TASOR: variants seen among roughly 807,000 people sequenced by gnomAD.
TASOR encodes transcription activation suppressor, also known as protein TASOR.
In TASOR, 53 loss-of-function variants were observed where a neutral mutation model predicts 178.6. The observed-to-expected ratio is 0.30, with a 90% CI of 0.24 to 0.37. TASOR has a LOEUF of 0.37. Ranked by LOEUF, TASOR falls within the 10% of genes least tolerant of loss-of-function variation. The pLI is 1.00. For synonymous variants in TASOR, 713 were observed against 696.2 expected, an observed-to-expected ratio of 1.02 and a Z score of -0.38; for missense variants, 1,815 against 1,971.4, an observed-to-expected ratio of 0.92 and a Z score of 1.50.
At chr3:56,632,283 C>T (rs536727510) in intron 18 of TASOR, among the ~76,000 whole-genome samples, 1 of 151,986 alleles carries the variant, frequency 6.6e-6, no homozygotes, top group African/African-American at 2.4e-5. Flanking sequence ...CCAGCCTGAT[C>T]AACATGGTGA....
At position 56,620,723 on chromosome 3, in the gene TASOR, T is replaced by A. The variant is rs1241305603; in HGVS notation, c.*2314A>T. The A allele has an allele frequency of 6.6e-6, 1 of 152,222 alleles. No homozygotes were observed. Among genetic ancestry groups the A allele is most frequent in the Non-Finnish European group, 1.5e-5 (1 of 68,060 alleles). The allele number at this position is 152,222 out of a possible 1,614,324, so 9.4% of individuals were successfully genotyped here. On this transcript the variant is annotated 3_prime_UTR_variant, in exon 24 of 24. Transcript: ENST00000683822. The stretch of plus-strand genomic sequence containing the variant: ...GACGAAGTGTTAGTTTACTTCTTGC[T>A]TAGTGGAGACAAAAATTGTGAGATA...
At chr3:56,673,197 G>A (rs2030907799) in intron 2 of TASOR, among the ~76,000 whole-genome samples, 1 of 152,150 alleles carries the variant, frequency 6.6e-6, no homozygotes, top group Non-Finnish European at 1.5e-5. Flanking sequence ...TTGCATATTA[G>A]TAACAATTTA....
intron 11 of TASOR, among the ~76,000 whole-genome samples, chr3:56,658,797 C>T (rs1400630991): frequency 6.6e-6 from 1 of 152,106 alleles, no homozygotes; most frequent in Non-Finnish European, 1.5e-5. Flanking sequence ...ATCCCAGCTA[C>T]TCGAGAAGCT....
At chr3:56,643,580 G>A (rs1268839831) in intron 14 of TASOR, among the ~76,000 whole-genome samples, 1 of 152,026 alleles carries the variant, frequency 6.6e-6, no homozygotes, top group Non-Finnish European at 1.5e-5. Context: ...GGCTAACACG[G>A]TGAAACCCCG....
chr3:56,681,444 C>T (rs2031774323), intron 1 of TASOR, among the ~76,000 whole-genome samples: 1 of 152,194 alleles, frequency 6.6e-6, no homozygotes, highest in Admixed American at 6.5e-5. Flanking sequence ...TCTTTGTCAA[C>T]ATGGTTTCTC....
At position 56,622,532 on chromosome 3, in the gene TASOR, A is replaced by G. The variant is rs1028941187; in HGVS notation, c.*505T>C. 2 of 152,678 alleles carry G rather than the reference A, an allele frequency of 1.3e-5. No individual in the cohort carries two copies. Among genetic ancestry groups the G allele is most frequent in the African/African-American group, 4.8e-5 (2 of 41,474 alleles). 9.5% of individuals were successfully genotyped at this position (152,678 alleles called of 1,614,324 possible). On this transcript the variant is annotated 3_prime_UTR_variant, in exon 24 of 24. Transcript: ENST00000683822. ...TAGAGATAAAAAATGTGTCCTATGT[A>G]CATAGTTTATTATCTAAATGAAACT...
chr3:56,647,173 G>C lies in TASOR; in HGVS notation c.1564C>G (p.Pro522Ala). Reference sequence around the variant, plus strand: ...AACTGAGCTATTTTTAATACATCTGGCATGCTCTCATGCCTCTCCTGTGGT... The same window carrying C: ...AACTGAGCTATTTTTAATACATCTGCCATGCTCTCATGCCTCTCCTGTGGT... ...AAPQERHESM[P>A]DVLKIAQFLQ... Residue 522 changes from proline to alanine, a missense_variant, in exon 14 of 24, where the codon CCA becomes GCA. This residue lies in a region of TASOR where 504 missense variants were observed against 645.3 expected (regional missense o/e 0.78). Coordinates refer to ENST00000683822, the MANE Select transcript of TASOR (RefSeq NM_001365635.2). 2 of 1,590,776 alleles carry C rather than the reference G, an allele frequency of 1.3e-6. No individual in the cohort carries two copies. The highest frequency in any genetic ancestry group is 1.7e-6 in the Non-Finnish European group (2 of 1,173,294).
At chr3:56,666,188 T>C in intron 7 of TASOR, 72 bp downstream of exon 7, 3 of 1,255,628 alleles carry the variant, frequency 2.4e-6, no homozygotes, top group Non-Finnish European at 3.1e-6. Context: ...AAAATGGTCC[T>C]CCTAACTCAG....
At chr3:56,653,262 CAAAAAAAA>C (rs1176419181) in intron 11 of TASOR, among the ~76,000 whole-genome samples, 3 of 4,962 alleles carry the variant, frequency 6.0e-4, no homozygotes, top group Non-Finnish European at 1.2e-3. Flanking sequence ...GACTCCATCT[CAAAAAAAA>C]AAAAAAAAAA....
At chr3:56,662,230 C>T (rs990700871) in intron 9 of TASOR, among the ~76,000 whole-genome samples, 155 bp downstream of exon 9, 6 of 151,698 alleles carry the variant, frequency 4.0e-5, no homozygotes, top group Admixed American at 1.3e-4. Flanking sequence ...TGCCAAATCA[C>T]GTAATTTCAA....
intron 14 of TASOR, among the ~76,000 whole-genome samples, chr3:56,645,545 T>C (rs993919421): frequency 6.6e-6 from 1 of 152,208 alleles, no homozygotes; most frequent in South Asian, 2.1e-4. Context: ...AAAGAACTCA[T>C]TCTGTGCTTA....
At chr3:56,666,109 G>A (rs1440937898) in intron 7 of TASOR, 151 bp downstream of exon 7, 1 of 482,138 alleles carries the variant, frequency 2.1e-6, no homozygotes, top group South Asian at 7.3e-5. Context: ...CCATTTAAAA[G>A]TCATTGTAAA....
At chr3:56,667,166 G>T (rs1489717066) in intron 6 of TASOR, among the ~76,000 whole-genome samples, 2 of 152,156 alleles carry the variant, frequency 1.3e-5, no homozygotes, top group African/African-American at 4.8e-5. Flanking sequence ...CTACTGTCCA[G>T]AGGGTAATCA....
chr3:56,671,448 A>T, intron 3 of TASOR, 152 bp downstream of exon 3: 2 of 543,240 alleles, frequency 3.7e-6, no homozygotes. Flanking sequence ...AACAAATTAC[A>T]AACAATAAAC....
chr3:56,645,102 C>T (rs546776318), intron 14 of TASOR, among the ~76,000 whole-genome samples: 3 of 152,180 alleles, frequency 2.0e-5, no homozygotes, highest in East Asian at 1.9e-4. Flanking sequence ...GGCAAAACCC[C>T]GTCTCCACTA....
Position 56,622,153 on chromosome 3 carries a change from T to G in TASOR, c.*884A>C, listed in dbSNP as rs990115244. On this transcript the variant is annotated 3_prime_UTR_variant, in exon 24 of 24. Transcript: ENST00000683822. ...AGAAATTGCAATTTTCAAAAACATT[T>G]TTAAAAGTTAGCATTAGTAACAAGT... 1 of 152,254 alleles carries G rather than the reference T, an allele frequency of 6.6e-6. No individual in the cohort carries two copies. Among genetic ancestry groups the G allele is most frequent in the Non-Finnish European group, 1.5e-5 (1 of 68,076 alleles). 9.4% of individuals were successfully genotyped at this position (152,254 alleles called of 1,614,324 possible).
chr3:56,624,952 T>C lies in TASOR; in HGVS notation c.4194A>G (p.Lys1398=). ...GGTATGACAAAATTTCAACCAGATG[T>C]TTCTTCTGATAGACATTCAGAAGCG... ...LLTLLNVYQK[K]HLVEILSYHN... The change falls in exon 22 of 24, where the codon AAA becomes AAG. Residue 1398 remains lysine (K), a synonymous_variant. Coordinates refer to ENST00000683822, the MANE Select transcript of TASOR (RefSeq NM_001365635.2). The C allele has an allele frequency of 3.7e-6, 6 of 1,614,210 alleles. No individual in the cohort carries two copies. Among genetic ancestry groups the C allele is most frequent in the Non-Finnish European group, 5.1e-6 (6 of 1,180,036 alleles).
At position 56,633,424 on chromosome 3, in the gene TASOR, C is replaced by G. The variant is rs768265882; in HGVS notation, c.3367G>C (p.Val1123Leu). 3.1e-6 allele frequency: 5 copies of G among 1,614,100 alleles called. No homozygotes were observed. The highest frequency in any genetic ancestry group is 2.5e-6 in the Non-Finnish European group (3 of 1,179,986). Reference sequence around the variant, plus strand: ...TTATTGTTGAAGTCACTTGAGGAAACTGGTATGACATGCCTTTCCAGAGGA... The same window carrying G: ...TTATTGTTGAAGTCACTTGAGGAAAGTGGTATGACATGCCTTTCCAGAGGA... ...SNPLERHVIP[V>L]SSSDFNNKHL... The change falls in exon 18 of 24, where the codon GTT becomes CTT. Residue 1123 changes from valine (V) to leucine (L), a missense_variant. Val to Leu is a conservative substitution (Grantham distance 32, BLOSUM62 1). Transcript: ENST00000683822.
intron 7 of TASOR, among the ~76,000 whole-genome samples, chr3:56,664,575 C>T (rs1559846799): frequency 6.6e-6 from 1 of 152,106 alleles, no homozygotes; most frequent in African/African-American, 2.4e-5. Flanking sequence ...GGAAAACTGA[C>T]AAAGAGGTCA....
Sources: allele counts gnomAD v4.1 joint callset (sites outside exome capture counted in the v4.1 genomes callset), GRCh38; gene constraint gnomAD v4.1.1; regional missense constraint gnomAD v4.1.1; transcripts MANE v1.5; gene names NCBI Gene and HGNC (gene_info 2026-07-23, HGNC 2026-07-21).